Variants in DOK7 observed in about 807,000 individuals in gnomAD.
DOK7 encodes the protein protein Dok-7.
DOK7 carries 32 observed loss-of-function variants against 30.7 expected under a neutral mutation model. That is an observed-to-expected ratio of 1.04 (90% confidence interval 0.79 to 1.40). DOK7 has a LOEUF of 1.40. DOK7 is among the 40% of genes most tolerant of loss of function. The pLI is 0.00. For synonymous variants in DOK7, 447 were observed against 324.1 expected (o/e 1.38, Z -4.07); for missense variants, 1,007 against 699.2 (o/e 1.44, Z -4.97).
At chr4:3,479,804 G>A (rs1179501317) in intron 4 of DOK7, among the ~76,000 whole-genome samples, 1 of 152,222 alleles carries the variant, frequency 6.6e-6, no homozygotes, top group East Asian at 1.9e-4. Flanking sequence ...AATGGGACAG[G>A]AGGTGGCTTG....
intron 2 of DOK7, among the ~76,000 whole-genome samples, chr4:3,467,306 G>A (rs1202910878): frequency 1.2e-5 from 1 of 82,910 alleles, no homozygotes; most frequent in Non-Finnish European, 2.4e-5. Flanking sequence ...CGCCCTCCCC[G>A]GCTCTCCGCC....
At chr4:3,473,129 T>G (rs1726857328) in intron 2 of DOK7, among the ~76,000 whole-genome samples, 1 of 152,124 alleles carries the variant, frequency 6.6e-6, no homozygotes, top group East Asian at 1.9e-4. Context: ...AATCCGCCAG[T>G]GAAGGTCCAG....
At chr4:3,494,573 C>T (rs559194815), downstream of DOK7, 71 of 957,368 alleles carry the variant, frequency 7.4e-5, no homozygotes, top group South Asian at 4.8e-4. Flanking sequence ...TCCCCGGGCC[C>T]GGCTTCCCTG....
At chr4:3,485,889 CG>C (rs954025180) in intron 5 of DOK7, among the ~76,000 whole-genome samples, 15 of 152,156 alleles carry the variant, frequency 9.9e-5, no homozygotes, top group Non-Finnish European at 1.9e-4. Flanking sequence ...TGCTCTCCCT[CG>C]GGGGTCCGAG....
At chr4:3,491,488 C>T (rs13146709) in intron 6 of DOK7, among the ~76,000 whole-genome samples, 27,036 of 147,358 alleles carry the variant, frequency 0.18, 3,350 homozygotes, top group East Asian at 0.53. Context: ...TTCATTCTTT[C>T]CTTGTCCCTC....
chr4:3,482,933 C>T (rs970545154), intron 4 of DOK7, among the ~76,000 whole-genome samples: 4 of 152,102 alleles, frequency 2.6e-5, no homozygotes, highest in Middle Eastern at 3.4e-3. Flanking sequence ...AGGAGGCGTC[C>T]GTGAGAGCAC....
chr4:3,475,440 G>T (rs1442670317), intron 3 of DOK7, among the ~76,000 whole-genome samples: 1 of 152,258 alleles, frequency 6.6e-6, no homozygotes, highest in Non-Finnish European at 1.5e-5. Flanking sequence ...AGATGGAGCA[G>T]GTGGGGCCCC....
At chr4:3,477,835 T>TGGGGTGGGGGGGGG (rs1727194605) in intron 4 of DOK7, among the ~76,000 whole-genome samples, 1 of 54,958 alleles carries the variant, frequency 1.8e-5, no homozygotes, top group African/African-American at 6.8e-5. Flanking sequence ...GTGCGGGGGG[T>TGGGGTGGGGGGGGG]GGGGTGGGGG....
intron 4 of DOK7, among the ~76,000 whole-genome samples, chr4:3,480,854 CTGAG>C (rs1235296764): frequency 6.6e-6 from 1 of 152,086 alleles, no homozygotes; most frequent in Non-Finnish European, 1.5e-5. Context: ...CTGCGTGAGA[CTGAG>C]TGAGGCATTT....
At chr4:3,500,703 T>G (rs1171734176) in exon 8 of DOK7, 45 of 1,535,444 alleles carry the variant, frequency 2.9e-5, no homozygotes, top group Non-Finnish European at 3.9e-5. Context: ...GGCTGGCGCC[T>G]CCCTCTACGC....
intron 6 of DOK7, among the ~76,000 whole-genome samples, chr4:3,491,946 T>C (rs983620690): frequency 6.6e-5 from 10 of 152,224 alleles, no homozygotes; most frequent in African/African-American, 2.4e-4. Context: ...TGATCACTGC[T>C]TGTCCCCCAG....
intron 2 of DOK7, among the ~76,000 whole-genome samples, chr4:3,469,851 G>T (rs971395676): frequency 4.6e-5 from 7 of 152,198 alleles, no homozygotes; most frequent in African/African-American, 1.2e-4. Context: ...CGGCCTGAGC[G>T]TGAGGGGGTG....
In DOK7 at chr4:3,500,610, C is replaced by T; in HGVS notation, c.1262-82C>T. ...CACTCAGATGCTTCCGAGGGCCTGGCTGGGGGACTGGTGTGGAGGGCAGGG... is the reference window on the plus strand; with the variant it reads ...CACTCAGATGCTTCCGAGGGCCTGGTTGGGGGACTGGTGTGGAGGGCAGGG... On this transcript the variant is annotated intron_variant, in intron 7 of 7. Transcript: ENST00000643608. 2.6e-6 allele frequency: 4 copies of T among 1,530,278 alleles called. No individual in the cohort carries two copies. In the South Asian group the frequency reaches 4.8e-5, roughly 18 times the overall value. The allele number at this position is 1,530,278 out of a possible 1,614,324, so 94.8% of individuals were successfully genotyped here.
At chr4:3,490,844 TCCTTC>T in intron 6 of DOK7, among the ~76,000 whole-genome samples, 1 of 83,624 alleles carries the variant, frequency 1.2e-5, no homozygotes, top group Admixed American at 1.5e-4. Flanking sequence ...ATTCATTCCT[TCCTTC>T]CCCCCCACTC....
intron 6 of DOK7, among the ~76,000 whole-genome samples, chr4:3,492,098 G>C (rs1437327755): frequency 6.6e-6 from 1 of 152,220 alleles, no homozygotes; most frequent in Non-Finnish European, 1.5e-5. Context: ...AGAGCAGGCA[G>C]CTTAGAGACG....
intron 2 of DOK7, among the ~76,000 whole-genome samples, chr4:3,469,410 G>A (rs893764259): frequency 3.3e-5 from 5 of 152,110 alleles, no homozygotes; most frequent in East Asian, 1.9e-4. Context: ...GCCAATGCCC[G>A]CAGCCAGAGG....
At chr4:3,485,233 AG>A (rs1727691804) in intron 4 of DOK7, 1 of 308,110 alleles carries the variant, frequency 3.2e-6, no homozygotes, top group African/African-American at 2.2e-5. Flanking sequence ...TGTCGGCTGC[AG>A]GACCTAGGAT....
At chr4:3,500,607 T>A in intron 7 of DOK7, 1 of 1,530,102 alleles carries the variant, frequency 6.5e-7, no homozygotes, top group Non-Finnish European at 8.7e-7. Context: ...TCCGAGGGCC[T>A]GGCTGGGGGA....
chr4:3,468,222 A>C (rs1726435763), intron 2 of DOK7, among the ~76,000 whole-genome samples: 1 of 146,104 alleles, frequency 6.8e-6, no homozygotes. Context: ...GTGCATGTGA[A>C]TACCTGTGTG....
Sources: gnomAD v4.1 joint callset for allele counts (sites outside exome capture counted in the v4.1 genomes callset) on GRCh38, gnomAD v4.1.1 for gene constraint, MANE v1.5 for transcripts, NCBI Gene and HGNC (gene_info 2026-07-23, HGNC 2026-07-21) for gene names.